DLC1: variants seen among roughly 807,000 people sequenced by gnomAD.
DLC1 encodes the protein DLC1 Rho GTPase activating protein.
DLC1 carries 54 observed loss-of-function variants against 140.3 expected under a neutral mutation model. The observed-to-expected ratio is 0.38, with a 90% CI of 0.31 to 0.48. DLC1 has a LOEUF of 0.48. Ranked by LOEUF, DLC1 falls within the 20% of genes least tolerant of loss-of-function variation. DLC1 has a pLI of 0.96. For missense variants in DLC1, 2,536 were observed against 1,907.0 expected (o/e 1.33, Z -6.14); for synonymous variants, 986 against 728.1 (o/e 1.35, Z -5.70).
rs547988940 is a variant in DLC1, at chr8:13,342,023, G to T, written c.1315-36721C>A. ...TCTTTAAATGAAAATGCATCAGATC[G>T]AGAGGATACATTTGGCCAGTGTGAA... On this transcript the variant is annotated intron_variant, in intron 4 of 17. Transcript: ENST00000276297. 9 of 152,288 alleles carry T rather than the reference G, an allele frequency of 5.9e-5. 1 individual carries two copies. In the South Asian group the frequency reaches 1.9e-3, roughly 32 times the overall value. The allele number at this position is 152,288 out of a possible 1,614,324, so 9.4% of individuals were successfully genotyped here. A position where few individuals can be genotyped will look rare whatever the true frequency, so the allele number is the denominator to read the frequency against.
At chr8:13,299,614 TAGTTAA>T (rs1832101379) in intron 5 of DLC1, among the ~76,000 whole-genome samples, 1 of 151,862 alleles carries the variant, frequency 6.6e-6, no homozygotes, top group South Asian at 2.1e-4. Flanking sequence ...GATTCTATGG[TAGTTAA>T]AGTTTGAGCA....
intron 5 of DLC1, among the ~76,000 whole-genome samples, chr8:13,159,158 T>A (rs1462341425): frequency 6.6e-6 from 1 of 152,100 alleles, no homozygotes; most frequent in Non-Finnish European, 1.5e-5. Context: ...GGCCTCTAAA[T>A]CAAATACCAG....
chr8:13,541,920 GT>G (rs1285948243), intron 1 of DLC1, among the ~76,000 whole-genome samples: 2 of 152,160 alleles, frequency 1.3e-5, no homozygotes, highest in African/African-American at 4.8e-5. Flanking sequence ...TTCTACTTGG[GT>G]TTTGTGTTTT....
At chr8:13,275,589 A>G (rs1024604092) in intron 5 of DLC1, among the ~76,000 whole-genome samples, 3 of 129,858 alleles carry the variant, frequency 2.3e-5, no homozygotes, top group Non-Finnish European at 5.4e-5. Flanking sequence ...AAAATCGGAC[A>G]GAAGTCCCTA....
Position 13,098,569 on chromosome 8 carries a change from T to A in DLC1, c.2997A>T (p.Arg999=). 2 of 1,613,732 alleles carry A rather than the reference T, an allele frequency of 1.2e-6. No individual in the cohort carries two copies. Among genetic ancestry groups the A allele is most frequent in the Non-Finnish European group, 1.7e-6 (2 of 1,179,826 alleles). The change falls in exon 10 of 18, where the codon CGA becomes CGT. Residue 999 remains arginine (R), a synonymous_variant. Coordinates refer to ENST00000276297, the MANE Select transcript of DLC1 (RefSeq NM_182643.3). ...AGCTCTGGAAACTGTGCCATCTCAG[T>A]CGGTGCCTGCGAGAGAAGAGGAGAG... ...GASLTRSNRH[R]LRWHSFQSSH...
intron 5 of DLC1, among the ~76,000 whole-genome samples, chr8:13,252,209 A>G (rs979678958): frequency 5.9e-5 from 9 of 152,230 alleles, no homozygotes; most frequent in African/African-American, 2.2e-4. Context: ...TATAAAATCT[A>G]TGGGTGTCAC....
chr8:13,452,555 A>C (rs907199814), intron 2 of DLC1, among the ~76,000 whole-genome samples: 1 of 152,252 alleles, frequency 6.6e-6, no homozygotes, highest in African/African-American at 2.4e-5. Context: ...AACTATCAGA[A>C]GAAAATAGAG....
At chr8:13,561,237 A>G (rs1804231975) in intron 1 of DLC1, among the ~76,000 whole-genome samples, 1 of 151,754 alleles carries the variant, frequency 6.6e-6, no homozygotes, top group Non-Finnish European at 1.5e-5. Context: ...CTCCTGCCTC[A>G]GCCTCCTCAG....
chr8:13,365,195 T>C (rs1729179), intron 4 of DLC1, among the ~76,000 whole-genome samples: 106,458 of 152,126 alleles, frequency 0.7, 38,007 homozygotes, highest in East Asian at 0.84. Context: ...CTGTAGGGAT[T>C]CCTTTGTGGA....
At chr8:13,599,826 A>C (rs1008335283) in intron 1 of DLC1, among the ~76,000 whole-genome samples, 1 of 152,004 alleles carries the variant, frequency 6.6e-6, no homozygotes, top group African/African-American at 2.4e-5. Context: ...TTCTTAAGAA[A>C]GAAAAAACAT....
intron 5 of DLC1, among the ~76,000 whole-genome samples, chr8:13,146,036 T>TAA (rs1428385475): frequency 6.6e-5 from 10 of 152,246 alleles, no homozygotes; most frequent in African/African-American, 2.4e-4. Flanking sequence ...CCCAGCACTT[T>TAA]GGGAGGCTGA....
At chr8:13,327,969 A>T (rs1172635133) in intron 4 of DLC1, among the ~76,000 whole-genome samples, 1 of 152,228 alleles carries the variant, frequency 6.6e-6, no homozygotes, top group Non-Finnish European at 1.5e-5. Context: ...TCAGACTGGG[A>T]ACTACATGTG....
At chr8:13,404,662 G>T (rs1219404667) in intron 2 of DLC1, among the ~76,000 whole-genome samples, 2 of 151,996 alleles carry the variant, frequency 1.3e-5, no homozygotes, top group Non-Finnish European at 2.9e-5. Flanking sequence ...AATTTACCTT[G>T]TTGCCCAGGT....
At chr8:13,090,983 T>A (rs1818014611) in intron 14 of DLC1, among the ~76,000 whole-genome samples, 1 of 151,784 alleles carries the variant, frequency 6.6e-6, no homozygotes, top group Non-Finnish European at 1.5e-5. Flanking sequence ...TTTTAAATTT[T>A]TTTTTGTAGA....
At chr8:13,517,466 C>A (rs950488087), upstream of DLC1, among the ~76,000 whole-genome samples, 5 of 152,262 alleles carry the variant, frequency 3.3e-5, no homozygotes, top group Admixed American at 1.3e-4. Context: ...CTTCCCAAAT[C>A]TTTAATTACT....
chr8:13,358,886 G>C (rs1835073654), intron 4 of DLC1, among the ~76,000 whole-genome samples: 1 of 152,150 alleles, frequency 6.6e-6, no homozygotes, highest in Non-Finnish European at 1.5e-5. Context: ...GGTATCCCTA[G>C]GCAACACTAT....
In DLC1 at chr8:13,567,550, CAG is replaced by C. The variant is rs139731266; in HGVS notation, c.-126+36985_-126+36986del. ...TAAAAACATGAGGACAACGCCAAAA[CAG>C]GAGGCAGCAGCTAAGCAACACATAT... On this transcript the variant is annotated intron_variant, in intron 1 of 1. Coordinates refer to the DLC1 transcript ENST00000631382. The C allele has an allele frequency of 6.9e-4, 1,076 of 1,551,780 alleles. 7 individuals are homozygous for C. The African/African-American group carries it at 0.013, about 19-fold the overall frequency.
At chr8:13,214,317 A>G in intron 5 of DLC1, 1 of 251,950 alleles carries the variant, frequency 4.0e-6, no homozygotes, top group Non-Finnish European at 7.6e-6. Flanking sequence ...CCAATTTAGC[A>G]TCCTTACATT....
chr8:13,531,130 T>C (rs1564546), intron 1 of DLC1, among the ~76,000 whole-genome samples: 19,303 of 152,060 alleles, frequency 0.13, 1,805 homozygotes, highest in East Asian at 0.38. Context: ...AGAGGGTTGT[T>C]TCCTGGAACT....
Sources: allele counts gnomAD v4.1 joint callset (sites outside exome capture counted in the v4.1 genomes callset), GRCh38; gene constraint gnomAD v4.1.1; transcripts MANE v1.5; gene names NCBI Gene and HGNC (gene_info 2026-07-23, HGNC 2026-07-21).